UBA7: variants seen among roughly 807,000 people sequenced by gnomAD.
UBA7 encodes the protein ubiquitin-like modifier-activating enzyme 7.
A neutral mutation model predicts 113.0 loss-of-function variants in UBA7; 88 were observed. The observed-to-expected ratio is 0.78, with a 90% confidence interval of 0.66 to 0.93. The LOEUF (loss-of-function observed/expected upper bound fraction) is 0.93, where lower values mean the gene tolerates loss of function less well. UBA7 is among the 40% of genes least tolerant of loss of function. The probability of loss-of-function intolerance (pLI) is 0.00; values close to 1 mark genes in which losing one functional copy is unlikely to be tolerated. For synonymous variants in UBA7, 459 were observed against 513.0 expected (o/e 0.89, Z 1.42); for missense variants, 1,092 against 1,266.4 (o/e 0.86, Z 2.09).
intron 21 of UBA7, 197 bp from the exon 22 acceptor site, chr3:49,806,362 G>A (rs1473307571): frequency 1.7e-6 from 1 of 602,768 alleles, no homozygotes; most frequent in African/African-American, 1.9e-5. Context: ...CACAGGAAAT[G>A]GGGCTATGGG....
At position 49,810,521 on chromosome 3, in the gene UBA7, A is replaced by G. The variant is rs909909108; in HGVS notation, c.1463T>C (p.Val488Ala). The change falls in exon 12 of 24, where the codon GTT becomes GCT. Residue 488 changes from valine (V) to alanine (A), a missense_variant. Transcript: ENST00000333486. This position sits in a 1 kb window ranked among gnomAD's most constrained non-coding sequence, Gnocchi z 5.6. Reference protein sequence around the residue: ...SRQFLFRSQDVGRPKAEVAAA... With the variant: ...SRQFLFRSQDAGRPKAEVAAA... The stretch of plus-strand genomic sequence containing the variant: ...TGGAGAGGGGTCAGCACTCACACCA[A>G]CGTCCTGGGACCTGAAGAGGAACTG... 2.3e-5 allele frequency: 37 copies of G among 1,614,012 alleles called. No individual in the cohort carries two copies. The highest frequency in any genetic ancestry group is 3.1e-5 in the Non-Finnish European group (36 of 1,179,978).
Position 49,807,819 on chromosome 3 carries a change from G to A in UBA7, c.2632C>T (p.Arg878Cys), listed in dbSNP as rs61760190. The change falls in exon 21 of 24, where the codon CGT becomes TGT. Residue 878 changes from arginine (R) to cysteine (C), a missense_variant. Arg to Cys is a radical substitution (Grantham distance 180). Transcript: ENST00000333486. The surrounding 1 kb of genome is among the most constrained non-coding windows in gnomAD (Gnocchi z 4.0). ...AGGTAGCTGTGGCGAAAGGCACTAC[G>A]AGGCCGTGGCCCACTCACCACCTTA... ...LYKVVSGPRP[R>C]SAFRHSYLHL... The A allele has an allele frequency of 2.6e-3, 4,241 of 1,614,122 alleles. 5 individuals are homozygous for A. The highest frequency in any genetic ancestry group is 3.2e-3 in the Non-Finnish European group (3,785 of 1,179,982).
chr3:49,813,723 G>C lies in UBA7; in HGVS notation c.56+9C>G. 1 of 1,614,198 alleles carries C rather than the reference G, an allele frequency of 6.2e-7. No homozygotes were observed. Among genetic ancestry groups the C allele is most frequent in the South Asian group, 1.1e-5 (1 of 91,090 alleles). On this transcript the variant is annotated intron_variant, in intron 1 of 23. Coordinates refer to ENST00000333486, the MANE Select transcript of UBA7 (RefSeq NM_003335.3). The stretch of plus-strand genomic sequence containing the variant: ...CATCCCACTCTCCACCCCCCACCTC[G>C]GGCCTCACAGCTGTCTTGAATACAG...
Position 49,810,690 on chromosome 3 carries a change from CT to C in UBA7, c.1312-19del. The C allele has an allele frequency of 6.2e-7, 1 of 1,614,106 alleles. No individual in the cohort carries two copies. Among genetic ancestry groups the C allele is most frequent in the Non-Finnish European group, 8.5e-7 (1 of 1,179,962 alleles). Reference sequence around the variant, plus strand: ...GCGCCCACCTGTTGGCAGGAACAGCCTTAGCCAGAGGGGCTGGGCTGGCTCT... The same window carrying C: ...GCGCCCACCTGTTGGCAGGAACAGCCTAGCCAGAGGGGCTGGGCTGGCTCT... On this transcript the variant is annotated intron_variant, in intron 11 of 23. Transcript: ENST00000333486. This position sits in a 1 kb window ranked among gnomAD's most constrained non-coding sequence, Gnocchi z 5.6.
intron 18 of UBA7, 149 bp downstream of exon 18, chr3:49,808,827 C>A: frequency 9.8e-7 from 1 of 1,017,290 alleles, no homozygotes; most frequent in South Asian, 1.7e-5. Flanking sequence ...AAGCCTGAAA[C>A]TATGGAGGAG....
Position 49,811,298 on chromosome 3 carries a change from GCA to G in UBA7, c.1095_1096del (p.Ala366SerfsTer24). The G allele has an allele frequency of 6.2e-7, 1 of 1,614,118 alleles. No homozygotes were observed. Among genetic ancestry groups the G allele is most frequent in the Non-Finnish European group, 8.5e-7 (1 of 1,180,014 alleles). ...CTTCAGCACTTCCTGGGCAGCTACT[GCA>G]CCCAGCATGGCCACCATAGGGCTCA... On this transcript the variant is annotated frameshift_variant, in exon 9 of 24. Transcript: ENST00000333486. LOFTEE classifies it high-confidence loss of function.
Position 49,810,896 on chromosome 3 carries a change from T to C in UBA7, c.1231-64A>G. The C allele has an allele frequency of 1.9e-6, 3 of 1,612,106 alleles. No individual in the cohort carries two copies. Among genetic ancestry groups the C allele is most frequent in the Non-Finnish European group, 2.5e-6 (3 of 1,178,252 alleles). ...TGCATCTCCTTCTTATACTGAGTTT[T>C]CTGAATCAGGACCTGGAGGGCATTC... On this transcript the variant is annotated intron_variant, in intron 10 of 23. Coordinates refer to ENST00000333486, the MANE Select transcript of UBA7 (RefSeq NM_003335.3). The surrounding 1 kb of genome is among the most constrained non-coding windows in gnomAD (Gnocchi z 5.6).
rs141870400 is a variant in UBA7 at position 49,810,522 on chromosome 3, C to A, written c.1462G>T (p.Val488Phe). ...GGAGAGGGGTCAGCACTCACACCAA[C>A]GTCCTGGGACCTGAAGAGGAACTGA... Reference protein sequence around the residue: ...SRQFLFRSQDVGRPKAEVAAA... With the variant: ...SRQFLFRSQDFGRPKAEVAAA... The change falls in exon 12 of 24, where the codon GTT becomes TTT. Residue 488 changes from valine (V) to phenylalanine (F), a missense_variant. Val to Phe is a conservative substitution (Grantham distance 50, BLOSUM62 -1). This residue lies in a region of UBA7 where 584 missense variants were observed against 714.5 expected (regional missense o/e 0.82). Transcript: ENST00000333486. This position sits in a 1 kb window ranked among gnomAD's most constrained non-coding sequence, Gnocchi z 5.6. The A allele has an allele frequency of 2.4e-5, 38 of 1,613,966 alleles. No individual in the cohort carries two copies. In the African/African-American group the frequency reaches 4.9e-4, roughly 21 times the overall value.
In UBA7 at chr3:49,810,528, G is replaced by T. The variant is rs1376591283; in HGVS notation, c.1456C>A (p.Gln486Lys). ...NLSRQFLFRSQDVGRPKAEVA... is the reference protein window; with the variant it reads ...NLSRQFLFRSKDVGRPKAEVA... ...GGGTCAGCACTCACACCAACGTCCT[G>T]GGACCTGAAGAGGAACTGACGGCTG... Residue 486 changes from glutamine to lysine, a missense_variant, in exon 12 of 24, where the codon CAG becomes AAG. By Grantham distance (53) the Gln-to-Lys change is moderately conservative. Around this residue, in one of 3 missense-constraint regions of UBA7, gnomAD observed 584 missense variants for 714.5 expected, o/e 0.82. Transcript: ENST00000333486. The surrounding 1 kb of genome is among the most constrained non-coding windows in gnomAD (Gnocchi z 5.6). 1.9e-6 allele frequency: 3 copies of T among 1,614,012 alleles called. No homozygotes were observed. Among genetic ancestry groups the T allele is most frequent in the Non-Finnish European group, 2.5e-6 (3 of 1,180,010 alleles).
Position 49,810,203 on chromosome 3 carries a change from T to G in UBA7, c.1634-20A>C. 6.2e-7 allele frequency: 1 copy of G among 1,612,438 alleles called. No homozygotes were observed. Among genetic ancestry groups the G allele is most frequent in the Middle Eastern group, 1.7e-4 (1 of 6,054 alleles). ...AGCGCCCTGGCAAGGGAGCAGTGGG[T>G]CAGAAGTGGGACTGGCACAGCTGTG... On this transcript the variant is annotated intron_variant, in intron 13 of 23. Coordinates refer to ENST00000333486, the MANE Select transcript of UBA7 (RefSeq NM_003335.3). The surrounding 1 kb of genome is among the most constrained non-coding windows in gnomAD (Gnocchi z 5.6).
chr3:49,809,274 T>A, intron 17 of UBA7, 115 bp from the exon 18 acceptor site: 1 of 1,534,816 alleles, frequency 6.5e-7, no homozygotes, highest in Non-Finnish European at 8.9e-7. Flanking sequence ...CACCCATATA[T>A]GCACAAGCAT....
chr3:49,812,755 G>A lies in UBA7; in HGVS notation c.468-17C>T. 2 of 1,613,894 alleles carry A rather than the reference G, an allele frequency of 1.2e-6. No individual in the cohort carries two copies. Among genetic ancestry groups the A allele is most frequent in the Non-Finnish European group, 8.5e-7 (1 of 1,179,820 alleles). On this transcript the variant is annotated splice_polypyrimidine_tract_variant and intron_variant, in intron 4 of 23. Transcript: ENST00000333486. The stretch of plus-strand genomic sequence containing the variant: ...AACAACTGCCTGAGATGGGGTGGTA[G>A]GGGTCACTGAGGTGGCTTACAGATT...
intron 21 of UBA7, chr3:49,806,391 A>G: frequency 1.7e-6 from 1 of 588,510 alleles, no homozygotes; most frequent in Non-Finnish European, 3.0e-6. Context: ...AGGGAAACAG[A>G]CGATCCATCA....
rs756763829 is a variant in UBA7, at chr3:49,809,061, C to T, written c.2262G>A (p.Leu754=). 109 of 1,613,786 alleles carry T rather than the reference C, an allele frequency of 6.8e-5. No homozygotes were observed. In the East Asian group the frequency reaches 1.4e-3, roughly 21 times the overall value. ...SQDWTALREL[L]KLLPQPDPQQ... is the part of the protein sequence containing the mutation. ...GGGGGTCAGGCTGTGGCAGCAGCTT[C>T]AGCAGCTCCCTGAGTGCAGTCCAGT... is the stretch of plus-strand genomic sequence containing the variant. The change falls in exon 18 of 24, where the codon CTG becomes CTA. Residue 754 remains leucine, a synonymous_variant. Transcript: ENST00000333486.
chr3:49,811,773 G>T (rs2081551435), intron 8 of UBA7, 97 bp downstream of exon 8: 2 of 1,562,592 alleles, frequency 1.3e-6, no homozygotes, highest in Non-Finnish European at 1.7e-6. Context: ...AGTGTTGGGA[G>T]ATCAGACTTG....
chr3:49,808,212 G>A, intron 19 of UBA7, 100 bp from the exon 20 acceptor site: 1 of 1,539,896 alleles, frequency 6.5e-7, no homozygotes, highest in Non-Finnish European at 8.9e-7. Flanking sequence ...TTCTGTCGGG[G>A]GGTTGCCCCA....
intron 8 of UBA7, 151 bp downstream of exon 8, chr3:49,811,719 G>A: frequency 1.5e-6 from 2 of 1,369,842 alleles, no homozygotes; most frequent in Non-Finnish European, 2.0e-6. Context: ...CCCAGGATGT[G>A]TGCCTGGCAC....
In UBA7 at chr3:49,813,381, A is replaced by G; in HGVS notation, c.228T>C (p.Phe76=). Residue 76 remains phenylalanine (F), a splice_region_variant and synonymous_variant, in exon 3 of 24, where the codon TTT becomes TTC. Coordinates refer to ENST00000333486, the MANE Select transcript of UBA7 (RefSeq NM_003335.3). ...TTTCCAAGTCCTGCTCTGAGAGGAG[A>G]AACTAGGGAGAGAGCCAGTGCAGCC... ...PTCWSDLAAQ[F]LLSEQDLERS... is the part of the protein sequence containing the mutation. 1 of 1,613,316 alleles carries G rather than the reference A, an allele frequency of 6.2e-7. No homozygotes were observed.
In UBA7 at chr3:49,812,161, T is replaced by G; in HGVS notation, c.740A>C (p.Tyr247Ser). The change falls in exon 7 of 24, where the codon TAC (tyrosine) becomes TCC (serine). Residue 247 changes from tyrosine (Y) to serine (S), a missense_variant. Physicochemically the swap from Tyr to Ser is moderately radical, Grantham distance 144. Coordinates refer to ENST00000333486, the MANE Select transcript of UBA7 (RefSeq NM_003335.3). ...TTCAGTGATAGCCCCACCACGCAAG[T>G]ACCGAGAGAAAGTTGTTGTGTCTCC... is the stretch of plus-strand genomic sequence containing the variant. ...EIGDTTTFSR[Y>S]LRGGAITEVK... 1 of 1,614,196 alleles carries G rather than the reference T, an allele frequency of 6.2e-7. No homozygotes were observed. Among genetic ancestry groups the G allele is most frequent in the Non-Finnish European group, 8.5e-7 (1 of 1,180,034 alleles).
Sources: gnomAD v4.1 joint callset for allele counts on GRCh38, gnomAD v4.1.1 for gene constraint, gnomAD v4.1.1 regional missense constraint, Gnocchi (gnomAD v3.1) non-coding constraint, MANE v1.5 for transcripts, NCBI Gene and HGNC (gene_info 2026-07-23, HGNC 2026-07-21) for gene names.